The following CEP120 variants were observed in gnomAD, a reference collection of about 807,000 sequenced individuals.
CEP120 encodes centrosomal protein 120.
Under a neutral mutation model 126.5 loss-of-function variants are expected in CEP120, and 113 were observed. The observed-to-expected ratio is 0.89, with a 90% CI of 0.77 to 1.04. The LOEUF is 1.04. Ranked by LOEUF, CEP120 falls within the 50% of genes least tolerant of loss-of-function variation. The probability of loss-of-function intolerance (pLI) is 0.00; values close to 1 mark genes in which losing one functional copy is unlikely to be tolerated. For missense variants in CEP120, 1,230 were observed against 1,155.7 expected (o/e 1.06, Z -0.93); for synonymous variants, 400 against 394.3 (o/e 1.01, Z -0.17).
intron 5 of CEP120, among the ~76,000 whole-genome samples, chr5:123,397,910 C>T (rs1260847485): frequency 6.6e-6 from 1 of 152,014 alleles, no homozygotes; most frequent in Non-Finnish European, 1.5e-5. Context: ...ATAGTGAAAC[C>T]CTGTCTCTAC....
At position 123,376,694 on chromosome 5, in the gene CEP120, G is replaced by A. The variant is rs144221249; in HGVS notation, c.2358+680C>T. On this transcript the variant is annotated intron_variant, in intron 16 of 19. Transcript: ENST00000306467. Reference sequence around the variant, plus strand: ...TAAATGCCTTTAAGACATCTGAACAGAGATGCCAAAAAGCCAATCAGATAT... The same window carrying A: ...TAAATGCCTTTAAGACATCTGAACAAAGATGCCAAAAAGCCAATCAGATAT... Among the ~76,000 whole-genome samples the A allele has an allele frequency of 6.6e-5, 10 of 152,192 alleles. No individual in the cohort carries two copies. The East Asian group carries it at 1.9e-3, about 30-fold the overall frequency.
chr5:123,403,282 A>T (rs747322259), intron 4 of CEP120: 19 of 455,984 alleles, frequency 4.2e-5, no homozygotes, highest in Non-Finnish European at 8.4e-5. Flanking sequence ...TCCTTAGAGA[A>T]ATGGCTGAAT....
chr5:123,412,985 A>G (rs1562093513), intron 3 of CEP120, among the ~76,000 whole-genome samples: 1 of 152,120 alleles, frequency 6.6e-6, no homozygotes, highest in Non-Finnish European at 1.5e-5. Context: ...GCATAGGAAA[A>G]TCTTGGATGG....
intron 18 of CEP120, among the ~76,000 whole-genome samples, chr5:123,357,299 T>C (rs1769707665): frequency 6.6e-6 from 1 of 152,108 alleles, no homozygotes; most frequent in African/African-American, 2.4e-5. Context: ...ATAGATATTT[T>C]TGAATCTATG....
rs146069591 is a variant in CEP120 at position 123,358,907 on chromosome 5, T to G, written c.2580+5589A>C. On this transcript the variant is annotated intron_variant, in intron 18 of 19. Transcript: ENST00000306467. ...CTCCCACTCACACATACCATGTAAG[T>G]CTGTGGGAAAAAACTTACAACTAAA... Among the ~76,000 whole-genome samples the G allele has an allele frequency of 3.8e-3, 579 of 152,092 alleles. 5 individuals are homozygous for G. The highest frequency in any genetic ancestry group is 0.013 in the African/African-American group (549 of 41,520).
At chr5:123,411,056 T>C (rs751650120) in intron 4 of CEP120, among the ~76,000 whole-genome samples, 9 of 152,164 alleles carry the variant, frequency 5.9e-5, no homozygotes, top group Non-Finnish European at 1.3e-4. Flanking sequence ...GATACACACA[T>C]GGTAGGTAAG....
chr5:123,404,506 C>A (rs1231901701), intron 4 of CEP120, among the ~76,000 whole-genome samples: 1 of 151,752 alleles, frequency 6.6e-6, no homozygotes, highest in Non-Finnish European at 1.5e-5. Context: ...ATTGGAAGAG[C>A]GTGTACAGAA....
intron 4 of CEP120, chr5:123,402,342 TGGTGGAGGCAGG>T (rs1178858488): frequency 1.4e-6 from 2 of 1,404,822 alleles, no homozygotes; most frequent in Non-Finnish European, 1.9e-6. Flanking sequence ...CTAATGGACA[TGGTGGAGGCAGG>T]AGTGGAGGCA....
At chr5:123,401,603 G>T in intron 4 of CEP120, 2 of 1,415,546 alleles carry the variant, frequency 1.4e-6, no homozygotes, top group Non-Finnish European at 2.0e-6. Flanking sequence ...GTTGTCCATG[G>T]ACAGCACCAC....
At chr5:123,394,450 A>G (rs894785371) in intron 5 of CEP120, among the ~76,000 whole-genome samples, 1 of 152,148 alleles carries the variant, frequency 6.6e-6, no homozygotes, top group East Asian at 1.9e-4. Context: ...TCCTATGAAA[A>G]TCTAATGCCA....
chr5:123,367,661 C>T (rs553615083), intron 17 of CEP120, among the ~76,000 whole-genome samples: 18 of 151,934 alleles, frequency 1.2e-4, no homozygotes, highest in Admixed American at 2.6e-4. Context: ...AAAGTGGAAA[C>T]ACCTCTGATC....
chr5:123,414,545 A>G (rs1404513353), intron 3 of CEP120, among the ~76,000 whole-genome samples: 1 of 152,214 alleles, frequency 6.6e-6, no homozygotes, highest in Admixed American at 6.5e-5. Context: ...TAAATAAAAG[A>G]GAAGATATTA....
At chr5:123,378,531 C>T (rs1239591707) in intron 14 of CEP120, 103 bp from the exon 15 acceptor site, 3 of 576,116 alleles carry the variant, frequency 5.2e-6, no homozygotes, top group Non-Finnish European at 8.4e-6. Flanking sequence ...AAACAGAGGA[C>T]CTAAGAATAG....
At chr5:123,400,781 T>TC in intron 4 of CEP120, 1 of 584,970 alleles carries the variant, frequency 1.7e-6, no homozygotes, top group Non-Finnish European at 3.1e-6. Flanking sequence ...GGCAGTAAAC[T>TC]CCCCCGCGGG....
chr5:123,346,604 C>T lies in CEP120; in HGVS notation c.2876G>A (p.Gly959Asp). ...IEERDTLMRT[G>D]VYNHEDRIIS... ...TATTCGATCCTCGTGATTATACACA[C>T]CCGTTCTCATCAAAGTATCCCTTTC... is the stretch of plus-strand genomic sequence containing the variant. Residue 959 changes from glycine (G) to aspartate (D), a missense_variant, in exon 20 of 20, where the codon GGT (glycine) becomes GAT (aspartate). Physicochemically the swap from Gly to Asp is moderately conservative, Grantham distance 94. Transcript: ENST00000306467. The T allele has an allele frequency of 6.2e-7, 1 of 1,614,008 alleles. No individual in the cohort carries two copies. Among genetic ancestry groups the T allele is most frequent in the South Asian group, 1.1e-5 (1 of 91,076 alleles).
intron 16 of CEP120, 57 bp from the exon 17 acceptor site, chr5:123,372,829 A>G: frequency 7.1e-7 from 1 of 1,407,902 alleles, no homozygotes; most frequent in South Asian, 1.3e-5. Context: ...TTTAACAATA[A>G]AGTATTCAAT....
At chr5:123,401,955 T>C in intron 4 of CEP120, 1 of 1,589,866 alleles carries the variant, frequency 6.3e-7, no homozygotes, top group Non-Finnish European at 8.6e-7. Flanking sequence ...CCCGGCCGTC[T>C]TCTGCTGCTG....
At chr5:123,414,530 C>T (rs1774260345) in intron 3 of CEP120, among the ~76,000 whole-genome samples, 2 of 152,068 alleles carry the variant, frequency 1.3e-5, no homozygotes, top group South Asian at 4.1e-4. Flanking sequence ...TCAAGAATGG[C>T]GTTTTAAATA....
intron 2 of CEP120, 26 bp from the exon 3 acceptor site, chr5:123,416,150 A>C (rs764919009): frequency 2.8e-6 from 4 of 1,414,540 alleles, no homozygotes; most frequent in Non-Finnish European, 4.0e-6. Flanking sequence ...TGATAAATAA[A>C]ATGGTTTTTG....
Sources: allele counts gnomAD v4.1 joint callset (sites outside exome capture counted in the v4.1 genomes callset), GRCh38; gene constraint gnomAD v4.1.1; transcripts MANE v1.5; gene names NCBI Gene and HGNC (gene_info 2026-07-23, HGNC 2026-07-21).